The following LRRC4C variants were observed in gnomAD, a reference collection of about 807,000 sequenced individuals.
LRRC4C encodes leucine rich repeat containing 4C.
In LRRC4C, 5 loss-of-function variants were observed where a neutral mutation model predicts 33.6. That is an observed-to-expected ratio of 0.15 (90% CI 0.08 to 0.31). The LOEUF (loss-of-function observed/expected upper bound fraction) is 0.31, where lower values mean the gene tolerates loss of function less well. Among genes scored for constraint, LRRC4C ranks in the 10% least tolerant of loss-of-function variants. LRRC4C has a pLI of 1.00. For missense variants in LRRC4C, 560 were observed against 796.7 expected (o/e 0.70, Z 3.58); for synonymous variants, 329 against 302.0 (o/e 1.09, Z -0.93).
chr11:40,826,323 GCAA>G (rs1952167208), intron 2 of LRRC4C, among the ~76,000 whole-genome samples: 1 of 151,832 alleles, frequency 6.6e-6, no homozygotes, highest in African/African-American at 2.4e-5. Flanking sequence ...AGCAATAGCA[GCAA>G]CATTTGACAT....
intron 2 of LRRC4C, among the ~76,000 whole-genome samples, chr11:40,700,183 C>A (rs1945798808): frequency 6.6e-6 from 1 of 152,106 alleles, no homozygotes; most frequent in South Asian, 2.1e-4. Flanking sequence ...ACAGATTAAT[C>A]CTCAAGGAAT....
At chr11:40,638,651 C>G (rs1941914471) in intron 3 of LRRC4C, among the ~76,000 whole-genome samples, 1 of 151,864 alleles carries the variant, frequency 6.6e-6, no homozygotes, top group African/African-American at 2.4e-5. Context: ...CTACTTTTTT[C>G]CACAAAGAAT....
chr11:40,261,475 G>A (rs565920063), intron 4 of LRRC4C, among the ~76,000 whole-genome samples: 1 of 152,218 alleles, frequency 6.6e-6, no homozygotes, highest in South Asian at 2.1e-4. Context: ...CAGTGGAGTA[G>A]CAAATATGTG....
intron 5 of LRRC4C, among the ~76,000 whole-genome samples, chr11:40,148,648 G>T (rs1461688740): frequency 6.6e-6 from 1 of 152,002 alleles, no homozygotes; most frequent in Non-Finnish European, 1.5e-5. Flanking sequence ...TTATTCTGTT[G>T]GTAGTTTCTT....
intron 1 of LRRC4C, among the ~76,000 whole-genome samples, 152 bp downstream of exon 1, chr11:41,459,279 A>G (rs1956264247): frequency 1.3e-5 from 2 of 152,182 alleles, no homozygotes; most frequent in Admixed American, 6.6e-5. Context: ...GGCATAAAAA[A>G]TAGCCCCAAA....
chr11:41,145,472 G>A (rs1249148851), intron 1 of LRRC4C, among the ~76,000 whole-genome samples: 1 of 117,892 alleles, frequency 8.5e-6, no homozygotes, highest in Non-Finnish European at 2.0e-5. Flanking sequence ...TTATAAATAA[G>A]GTTTTATTGA....
intron 1 of LRRC4C, among the ~76,000 whole-genome samples, chr11:41,440,655 G>T (rs1313623897): frequency 1.3e-5 from 2 of 151,972 alleles, no homozygotes; most frequent in African/African-American, 2.4e-5. Context: ...ATCTCAAATT[G>T]TAATCCCCAT....
intron 1 of LRRC4C, among the ~76,000 whole-genome samples, chr11:41,300,601 G>A (rs557742361): frequency 2.0e-5 from 3 of 152,016 alleles, no homozygotes; most frequent in Middle Eastern, 3.4e-3. Context: ...TTCCCTTTCC[G>A]AGGCCACAGA....
intron 1 of LRRC4C, among the ~76,000 whole-genome samples, chr11:40,948,724 T>A (rs1958544461): frequency 6.7e-6 from 1 of 148,866 alleles, no homozygotes; most frequent in Non-Finnish European, 1.5e-5. Context: ...TGCATAGTAT[T>A]CCATGGTGTA....
chr11:41,179,844 G>A (rs1206599865), intron 1 of LRRC4C, among the ~76,000 whole-genome samples: 1 of 150,972 alleles, frequency 6.6e-6, no homozygotes, highest in East Asian at 2.0e-4. Context: ...TATCTTCTAT[G>A]TGATTGGAAT....
chr11:40,388,516 G>A (rs1319810075), intron 3 of LRRC4C, among the ~76,000 whole-genome samples: 1 of 152,094 alleles, frequency 6.6e-6, no homozygotes, highest in African/African-American at 2.4e-5. Flanking sequence ...GGAATTACAG[G>A]GGATGCTAAA....
intron 3 of LRRC4C, among the ~76,000 whole-genome samples, chr11:40,375,691 A>G (rs950071149): frequency 2.6e-5 from 4 of 152,178 alleles, no homozygotes; most frequent in African/African-American, 7.2e-5. Context: ...AATAATTTTT[A>G]TCTCTCACTT....
intron 3 of LRRC4C, among the ~76,000 whole-genome samples, chr11:40,571,291 A>C (rs1957973040): frequency 6.6e-6 from 1 of 152,176 alleles, no homozygotes; most frequent in African/African-American, 2.4e-5. Context: ...GCTAACATGC[A>C]CATGATGTTC....
intron 1 of LRRC4C, among the ~76,000 whole-genome samples, chr11:41,069,917 C>A (rs1156938783): frequency 6.6e-6 from 1 of 152,058 alleles, no homozygotes; most frequent in Admixed American, 6.6e-5. Context: ...AAAAAAATTA[C>A]TTTAAATTTC....
chr11:41,077,271 G>T (rs1939222616), intron 1 of LRRC4C, among the ~76,000 whole-genome samples: 1 of 152,200 alleles, frequency 6.6e-6, no homozygotes, highest in Admixed American at 6.5e-5. Flanking sequence ...TGGAGACTCT[G>T]TGTGGGGGCT....
chr11:41,377,567 T>C (rs565742006), intron 1 of LRRC4C, among the ~76,000 whole-genome samples: 2 of 152,336 alleles, frequency 1.3e-5, no homozygotes, highest in East Asian at 3.9e-4. Context: ...TCACATTTTT[T>C]TTCCCATGGC....
At position 40,624,575 on chromosome 11, in the gene LRRC4C, G is replaced by A. The variant is rs114676324; in HGVS notation, c.-270+23567C>T. ...TCTCCAGTGTGGCTCTCAGAAAATG[G>A]GCCAACCTGATTCACAAAAACCAAG... On this transcript the variant is annotated intron_variant, in intron 3 of 6. Transcript: ENST00000528697. Among the ~76,000 whole-genome samples the A allele has an allele frequency of 4.9e-3, 748 of 152,104 alleles. 5 individuals carry two copies. The highest frequency in any genetic ancestry group is 0.017 in the African/African-American group (704 of 41,512).
chr11:40,783,663 A>T (rs534487981), intron 2 of LRRC4C, among the ~76,000 whole-genome samples: 19 of 152,242 alleles, frequency 1.2e-4, no homozygotes, highest in African/African-American at 4.6e-4. Context: ...CTTTCTCCAG[A>T]AATTATACAC....
chr11:41,115,601 A>C (rs1942076239), intron 1 of LRRC4C, among the ~76,000 whole-genome samples: 1 of 152,058 alleles, frequency 6.6e-6, no homozygotes, highest in Admixed American at 6.6e-5. Context: ...TAGTGTACCC[A>C]GTTTAAACAC....
Sources: allele counts gnomAD v4.1 joint callset (sites outside exome capture counted in the v4.1 genomes callset), GRCh38; gene constraint gnomAD v4.1.1; transcripts MANE v1.5; gene names NCBI Gene and HGNC (gene_info 2026-07-23, HGNC 2026-07-21).